GRIP1: variants seen among roughly 807,000 people sequenced by gnomAD.
GRIP1 encodes the protein glutamate receptor-interacting protein 1.
A neutral mutation model predicts 129.9 loss-of-function variants in GRIP1; 45 were observed. That is an observed-to-expected ratio of 0.35 (90% CI 0.27 to 0.44). The LOEUF is 0.44. Ranked by LOEUF, GRIP1 falls within the 20% of genes least tolerant of loss-of-function variation. The pLI is 1.00. For missense variants in GRIP1, 1,196 were observed against 1,396.8 expected, an observed-to-expected ratio of 0.86 and a Z score of 2.29; for synonymous variants, 530 against 520.8, an observed-to-expected ratio of 1.02 and a Z score of -0.24.
rs370445724 is a variant in GRIP1 at position 66,693,392 on chromosome 12, G to A, written c.-419-63056C>T. Among the ~76,000 whole-genome samples, 41 of 152,274 alleles carry A rather than the reference G, an allele frequency of 2.7e-4. 2 individuals are homozygous for A. The South Asian group carries it at 8.5e-3, about 32-fold the overall frequency. On this transcript the variant is annotated intron_variant, in intron 1 of 4. Transcript: ENST00000538373. ...CCTGCATTCCCGCATGCAACTCTCA[G>A]TTGGGGCTGGACAATGGTGGCCTCT... is the stretch of plus-strand genomic sequence containing the variant.
intron 1 of GRIP1, among the ~76,000 whole-genome samples, chr12:66,828,179 C>CTAA (rs1332438982): frequency 1.3e-5 from 2 of 152,160 alleles, no homozygotes; most frequent in Non-Finnish European, 2.9e-5. Context: ...TTTCTACAGG[C>CTAA]TTTAATAAAT....
chr12:66,455,717 T>C (rs1027489316), intron 10 of GRIP1, among the ~76,000 whole-genome samples, 153 bp from the exon 11 acceptor site: 17 of 152,284 alleles, frequency 1.1e-4, no homozygotes, highest in African/African-American at 3.4e-4. Flanking sequence ...CTCAGGAGCA[T>C]GAGACAATGC....
chr12:66,860,169 T>G (rs1274887480), intron 1 of GRIP1, among the ~76,000 whole-genome samples: 1 of 152,080 alleles, frequency 6.6e-6, no homozygotes, highest in East Asian at 1.9e-4. Context: ...GATAGATAAC[T>G]TATCGGAAAA....
At chr12:66,508,530 C>G in intron 7 of GRIP1, among the ~76,000 whole-genome samples, 1 of 152,022 alleles carries the variant, frequency 6.6e-6, no homozygotes, top group East Asian at 1.9e-4. Context: ...ATTGAATAAT[C>G]CAAATAAGAA....
At chr12:66,860,040 A>T (rs182016590) in intron 1 of GRIP1, among the ~76,000 whole-genome samples, 3 of 152,228 alleles carry the variant, frequency 2.0e-5, no homozygotes, top group African/African-American at 7.2e-5. Context: ...TTCAGTCAGG[A>T]AGTCACCTTA....
Position 66,478,128 on chromosome 12 carries a change from A to T in GRIP1, c.725-12706T>A, listed in dbSNP as rs1185289658. 3.3e-5 allele frequency among the ~76,000 whole-genome samples: 5 copies of T among 152,340 alleles called. 1 individual carries two copies. In the East Asian group the frequency reaches 9.6e-4, roughly 29 times the overall value. ...AGGAGAAAATTTTTGCAATCTACCC[A>T]TCTGACAAAGGGCTAATATCCTAAT... On this transcript the variant is annotated intron_variant, in intron 7 of 24. Coordinates refer to ENST00000359742, the MANE Select transcript of GRIP1 (RefSeq NM_001366722.1).
At chr12:66,927,690 C>T (rs906168756) in intron 1 of GRIP1, among the ~76,000 whole-genome samples, 6 of 152,142 alleles carry the variant, frequency 3.9e-5, no homozygotes, top group African/African-American at 1.4e-4. Context: ...AGGGGTTACC[C>T]ACCTCGTATC....
chr12:66,858,223 A>G (rs1592907698), intron 1 of GRIP1, among the ~76,000 whole-genome samples: 1 of 151,836 alleles, frequency 6.6e-6, no homozygotes, highest in African/African-American at 2.4e-5. Flanking sequence ...CATTTTTCTA[A>G]TTTTCCAAAT....
At chr12:66,769,585 C>T (rs2037754040) in intron 1 of GRIP1, among the ~76,000 whole-genome samples, 1 of 152,068 alleles carries the variant, frequency 6.6e-6, no homozygotes, top group African/African-American at 2.4e-5. Context: ...ATTTTCAGAA[C>T]ACATGTCTGA....
At chr12:66,611,025 C>CA (rs780437029) in intron 1 of GRIP1, among the ~76,000 whole-genome samples, 1 of 151,958 alleles carries the variant, frequency 6.6e-6, no homozygotes, top group Non-Finnish European at 1.5e-5. Context: ...ACAAGCTTAA[C>CA]AAAAAACATT....
intron 1 of GRIP1, among the ~76,000 whole-genome samples, chr12:66,988,573 T>C (rs577026035): frequency 1.8e-4 from 27 of 151,778 alleles, no homozygotes; most frequent in African/African-American, 6.5e-4. Flanking sequence ...AGAGACGGGG[T>C]TTCCCATGTT....
At chr12:66,675,100 G>T (rs9325184) in intron 1 of GRIP1, among the ~76,000 whole-genome samples, 152,249 of 152,254 alleles carry the variant, frequency 1, 76,122 homozygotes, top group Middle Eastern at 1. Flanking sequence ...AAAATGACAC[G>T]TAGGCCAGCT....
intron 17 of GRIP1, 73 bp from the exon 18 acceptor site, chr12:66,392,889 A>G: frequency 7.3e-7 from 1 of 1,366,932 alleles, no homozygotes; most frequent in African/African-American, 1.4e-5. Context: ...TCCCTGACAT[A>G]CCTTATACAT....
chr12:66,355,395 G>A (rs551966493), intron 23 of GRIP1, among the ~76,000 whole-genome samples: 4 of 152,282 alleles, frequency 2.6e-5, no homozygotes, highest in Non-Finnish European at 5.9e-5. Flanking sequence ...TAACGATTCC[G>A]TAAGATGGGT....
intron 1 of GRIP1, among the ~76,000 whole-genome samples, chr12:66,801,051 G>A (rs6581719): frequency 0.062 from 9,477 of 151,934 alleles, 1,000 homozygotes; most frequent in African/African-American, 0.22. Flanking sequence ...TTTTTGCCTT[G>A]AATACCAATG....
At chr12:66,936,557 C>A (rs758149996) in intron 1 of GRIP1, among the ~76,000 whole-genome samples, 1 of 152,032 alleles carries the variant, frequency 6.6e-6, no homozygotes, top group Non-Finnish European at 1.5e-5. Context: ...AAAAATGTAG[C>A]CCTAAGCACA....
chr12:67,034,770 C>T (rs2043070976), intron 1 of GRIP1, among the ~76,000 whole-genome samples: 1 of 152,192 alleles, frequency 6.6e-6, no homozygotes, highest in African/African-American at 2.4e-5. Context: ...GCTACAACAG[C>T]CCTAGGCAAC....
chr12:66,726,271 C>T (rs2036251376), intron 1 of GRIP1, among the ~76,000 whole-genome samples: 1 of 152,134 alleles, frequency 6.6e-6, no homozygotes, highest in Non-Finnish European at 1.5e-5. Flanking sequence ...GCAATTTCTT[C>T]AAATGAATAA....
chr12:66,912,691 A>C (rs926071494), intron 1 of GRIP1, among the ~76,000 whole-genome samples: 2 of 152,174 alleles, frequency 1.3e-5, no homozygotes, highest in Non-Finnish European at 2.9e-5. Flanking sequence ...TAACAATGTT[A>C]TGTATTACAT....
Sources: allele counts gnomAD v4.1 joint callset (sites outside exome capture counted in the v4.1 genomes callset), GRCh38; gene constraint gnomAD v4.1.1; transcripts MANE v1.5; gene names NCBI Gene and HGNC (gene_info 2026-07-23, HGNC 2026-07-21).